The following CHGA variants were observed in gnomAD, a reference collection of about 807,000 sequenced individuals.
The protein encoded by CHGA is chromogranin A.
Under a neutral mutation model 54.4 loss-of-function variants are expected in CHGA, and 41 were observed. The observed-to-expected ratio is 0.75, with a 90% CI of 0.59 to 0.98. The LOEUF is 0.98. Ranked by LOEUF, CHGA falls within the 50% of genes least tolerant of loss-of-function variation. CHGA has a pLI of 0.00. For synonymous variants in CHGA, 249 were observed against 232.8 expected, an observed-to-expected ratio of 1.07 and a Z score of -0.63; for missense variants, 576 against 582.3, an observed-to-expected ratio of 0.99 and a Z score of 0.11.
intron 6 of CHGA, 118 bp downstream of exon 6, chr14:92,931,820 C>A: frequency 9.5e-7 from 1 of 1,048,644 alleles, no homozygotes; most frequent in Non-Finnish European, 1.4e-6. Flanking sequence ...TAGGTATTAG[C>A]TCCATTTCCC....
At chr14:92,925,413 C>A (rs1439138141) in intron 2 of CHGA, among the ~76,000 whole-genome samples, 1 of 152,216 alleles carries the variant, frequency 6.6e-6, no homozygotes, top group Non-Finnish European at 1.5e-5. Flanking sequence ...CTTGCTAGAT[C>A]CCTTATGGGA....
chr14:92,934,599 C>G (rs75909915), intron 7 of CHGA, among the ~76,000 whole-genome samples: 4 of 152,166 alleles, frequency 2.6e-5, no homozygotes, highest in Non-Finnish European at 5.9e-5. Flanking sequence ...ACAGGGCCCC[C>G]GGCATCAGCC....
At position 92,932,791 on chromosome 14, in the gene CHGA, G is replaced by T. The variant is rs576145060; in HGVS notation, c.1230G>T (p.Gln410His). 6.3e-7 allele frequency: 1 copy of T among 1,575,746 alleles called. No homozygotes were observed. The highest frequency in any genetic ancestry group is 1.8e-5 in the Admixed American group (1 of 55,360). Residue 410 changes from glutamine (Q) to histidine (H), a missense_variant, in exon 7 of 8, where the codon CAG becomes CAT. Coordinates refer to ENST00000216492, the MANE Select transcript of CHGA (RefSeq NM_001275.4). The surrounding 1 kb of genome is among the most constrained non-coding windows in gnomAD (Gnocchi z 5.3). Reference protein sequence around the residue: ...EDSLEAGLPLQVRGYPEEKKE... With the variant: ...EDSLEAGLPLHVRGYPEEKKE... Reference sequence around the variant, plus strand: ...GCCTTGAGGCGGGCCTGCCCCTCCAGGTCCGAGGCTACCCCGAGGAGAAGA... The same window carrying T: ...GCCTTGAGGCGGGCCTGCCCCTCCATGTCCGAGGCTACCCCGAGGAGAAGA...
chr14:92,926,829 C>T, intron 3 of CHGA, 131 bp downstream of exon 3: 1 of 769,228 alleles, frequency 1.3e-6, no homozygotes, highest in Non-Finnish European at 2.2e-6. Context: ...CATGTCCAGG[C>T]ACTGCACCAG....
At chr14:92,923,778 C>T (rs886634194) in intron 1 of CHGA, among the ~76,000 whole-genome samples, 1 of 152,218 alleles carries the variant, frequency 6.6e-6, no homozygotes, top group Non-Finnish European at 1.5e-5. Context: ...TCATCTCACG[C>T]TCCCCGCCTT....
rs778452104 is a variant in CHGA at position 92,932,645 on chromosome 14, G to A, written c.1084G>A (p.Glu362Lys). The change falls in exon 7 of 8, where the codon GAG becomes AAG. Residue 362 changes from glutamate to lysine, a missense_variant. By Grantham distance (56) the Glu-to-Lys change is moderately conservative. Coordinates refer to ENST00000216492, the MANE Select transcript of CHGA (RefSeq NM_001275.4). The surrounding 1 kb of genome is among the most constrained non-coding windows in gnomAD (Gnocchi z 5.3). ...GGCTGAGAAGCGGCTGGAGGGGCAG[G>A]AGGAGGAGGAGGACAACCGGGACAG... ...LTAEKRLEGQ[E>K]EEEDNRDSSM... 6.3e-7 allele frequency: 1 copy of A among 1,583,320 alleles called. No homozygotes were observed. Among genetic ancestry groups the A allele is most frequent in the Non-Finnish European group, 8.6e-7 (1 of 1,166,428 alleles).
chr14:92,927,643 C>T, intron 4 of CHGA, 25 bp downstream of exon 4: 1 of 1,592,664 alleles, frequency 6.3e-7, no homozygotes, highest in Non-Finnish European at 8.6e-7. Context: ...CTGCACTTGA[C>T]TCTGGGTAAA....
intron 3 of CHGA, 139 bp from the exon 4 acceptor site, chr14:92,927,411 T>A: frequency 1.5e-6 from 1 of 677,494 alleles, no homozygotes; most frequent in Non-Finnish European, 2.6e-6. Flanking sequence ...AAGTGTTATC[T>A]GAAGACCCAA....
rs763579788 is a variant in CHGA, at chr14:92,932,778, G to A, written c.1217G>A (p.Gly406Asp). Residue 406 changes from glycine (G) to aspartate (D), a missense_variant, in exon 7 of 8, where the codon GGC becomes GAC. Coordinates refer to ENST00000216492, the MANE Select transcript of CHGA (RefSeq NM_001275.4). This position sits in a 1 kb window ranked among gnomAD's most constrained non-coding sequence, Gnocchi z 5.3. Reference sequence around the variant, plus strand: ...TCCCGGGAGGACAGCCTTGAGGCGGGCCTGCCCCTCCAGGTCCGAGGCTAC... The same window carrying A: ...TCCCGGGAGGACAGCCTTGAGGCGGACCTGCCCCTCCAGGTCCGAGGCTAC... ...PSSREDSLEA[G>D]LPLQVRGYPE... is the part of the protein sequence containing the mutation. 3 of 1,589,148 alleles carry A rather than the reference G, an allele frequency of 1.9e-6. No individual in the cohort carries two copies. Among genetic ancestry groups the A allele is most frequent in the East Asian group, 2.3e-5 (1 of 44,254 alleles).
At chr14:92,934,712 C>A in intron 7 of CHGA, 89 bp from the exon 8 acceptor site, 1 of 956,210 alleles carries the variant, frequency 1.0e-6, no homozygotes, top group Non-Finnish European at 1.6e-6. Context: ...TGTCCGAGGC[C>A]ACACAGCTAA....
chr14:92,923,515 G>T (rs186857827), intron 1 of CHGA, 110 bp downstream of exon 1: 2 of 1,045,280 alleles, frequency 1.9e-6, no homozygotes, highest in Non-Finnish European at 2.4e-6. Context: ...CTTCGGGCGC[G>T]GCGAGTTTTC....
chr14:92,924,496 C>G (rs1296796433), intron 2 of CHGA, among the ~76,000 whole-genome samples: 1 of 152,230 alleles, frequency 6.6e-6, no homozygotes, highest in Non-Finnish European at 1.5e-5. Flanking sequence ...CCTGCTGGGC[C>G]GAGGTGCCTG....
At chr14:92,933,749 G>A (rs1887060780) in intron 7 of CHGA, among the ~76,000 whole-genome samples, 1 of 152,160 alleles carries the variant, frequency 6.6e-6, no homozygotes, top group Non-Finnish European at 1.5e-5. Flanking sequence ...AGCTGTAGCG[G>A]GAGAGGGCAT....
chr14:92,930,403 C>T lies in CHGA; in HGVS notation c.355+588C>T, dbSNP rs571756401. Among the ~76,000 whole-genome samples the T allele has an allele frequency of 3.7e-3, 564 of 152,318 alleles. 1 individual carries two copies. Among genetic ancestry groups the T allele is most frequent in the Non-Finnish European group, 5.5e-3 (372 of 68,028 alleles). ...TCTGCTCTCCATGTAGAAGATGGGCCGGTAAGGCCGGTGTCCAGGAGCTGG... is the reference window on the plus strand; with the variant it reads ...TCTGCTCTCCATGTAGAAGATGGGCTGGTAAGGCCGGTGTCCAGGAGCTGG... On this transcript the variant is annotated intron_variant, in intron 5 of 7. Transcript: ENST00000216492.
At chr14:92,923,072 GA>G, upstream of CHGA, 1 of 276,020 alleles carries the variant, frequency 3.6e-6, no homozygotes, top group Non-Finnish European at 6.8e-6. Context: ...GGGGAGTGGG[GA>G]AAGGGGAAGG....
chr14:92,924,084 G>A (rs1263948400), intron 1 of CHGA, 115 bp from the exon 2 acceptor site: 3 of 1,166,266 alleles, frequency 2.6e-6, no homozygotes, highest in Non-Finnish European at 3.7e-6. Flanking sequence ...TCTTTTTGGT[G>A]GGGGCAGTTT....
intron 2 of CHGA, among the ~76,000 whole-genome samples, chr14:92,925,463 C>T (rs979124822): frequency 6.9e-6 from 1 of 143,990 alleles, no homozygotes; most frequent in South Asian, 2.3e-4. Flanking sequence ...AGCCTGTGGT[C>T]AGGGGCACCA....
intron 2 of CHGA, 67 bp downstream of exon 2, chr14:92,924,312 C>A: frequency 6.7e-7 from 1 of 1,498,768 alleles, no homozygotes; most frequent in Non-Finnish European, 9.0e-7. Flanking sequence ...AGTTCTTGGG[C>A]AGCTGCAGGA....
At position 92,924,205 on chromosome 14, in the gene CHGA, C is replaced by A; in HGVS notation, c.53C>A (p.Ala18Glu). 6.2e-7 allele frequency: 1 copy of A among 1,612,190 alleles called. No individual in the cohort carries two copies. The highest frequency in any genetic ancestry group is 8.5e-7 in the Non-Finnish European group (1 of 1,179,492). ...ALLLCAGQVT[A>E]LPVNSPMNKG... Reference sequence around the variant, plus strand: ...ACTCTCTTCTTCTTCCCAGTCACTGCGCTCCCTGTGAACAGCCCTATGAAT... The same window carrying A: ...ACTCTCTTCTTCTTCCCAGTCACTGAGCTCCCTGTGAACAGCCCTATGAAT... The change falls in exon 2 of 8, where the codon GCG becomes GAG. Residue 18 changes from alanine (A) to glutamate (E), a missense_variant. By Grantham distance (107) the Ala-to-Glu change is moderately radical. Transcript: ENST00000216492.
Sources: gnomAD v4.1 joint callset for allele counts (sites outside exome capture counted in the v4.1 genomes callset) on GRCh38, gnomAD v4.1.1 for gene constraint, Gnocchi (gnomAD v3.1) non-coding constraint, MANE v1.5 for transcripts, NCBI Gene and HGNC (gene_info 2026-07-23, HGNC 2026-07-21) for gene names.